PHYHIP: variants seen among roughly 807,000 people sequenced by gnomAD.
The protein encoded by PHYHIP is phytanoyl-CoA hydroxylase-interacting protein.
PHYHIP carries 7 observed loss-of-function variants against 26.1 expected under a neutral mutation model. That is an observed-to-expected ratio of 0.27 (90% CI 0.15 to 0.50). The LOEUF (loss-of-function observed/expected upper bound fraction) is 0.50. Ranked by LOEUF, PHYHIP falls within the 20% of genes least tolerant of loss-of-function variation. PHYHIP has a pLI of 0.98. For synonymous variants in PHYHIP, 206 were observed against 183.4 expected, an observed-to-expected ratio of 1.12 and a Z score of -1.00; for missense variants, 232 against 454.7, an observed-to-expected ratio of 0.51 and a Z score of 4.45.
At chr8:22,226,714 CCT>C in intron 3 of PHYHIP, 135 bp downstream of exon 3, 1 of 773,824 alleles carries the variant, frequency 1.3e-6, no homozygotes, top group Non-Finnish European at 2.0e-6. Flanking sequence ...GTGCATCTCC[CCT>C]GTGGCCCAAG....
Position 22,220,813 on chromosome 8 carries a change from G to T in PHYHIP, c.*540C>A, listed in dbSNP as rs1170298972. ...CAGCCAGGGAGTCACGGTGGTGCAG[G>T]AGACTATTTATAGAAGGAAGGGATC... is the stretch of plus-strand genomic sequence containing the variant. On this transcript the variant is annotated 3_prime_UTR_variant, in exon 5 of 5. Coordinates refer to ENST00000454243, the MANE Select transcript of PHYHIP (RefSeq NM_014759.5). The T allele has an allele frequency of 2.0e-5, 3 of 153,284 alleles. No homozygotes were observed. The East Asian group carries it at 5.8e-4, about 30-fold the overall frequency. 9.5% of individuals were successfully genotyped at this position (153,284 alleles called of 1,614,324 possible).
intron 2 of PHYHIP, among the ~76,000 whole-genome samples, chr8:22,227,424 T>G (rs1829771098): frequency 2.0e-5 from 3 of 149,750 alleles, no homozygotes; most frequent in Admixed American, 6.6e-5. Flanking sequence ...GTTAAGGGGG[T>G]GGTGTTGAAC....
At chr8:22,230,666 G>C in intron 1 of PHYHIP, among the ~76,000 whole-genome samples, 1 of 151,254 alleles carries the variant, frequency 6.6e-6, no homozygotes, top group Non-Finnish European at 1.5e-5. Flanking sequence ...ACACACATGC[G>C]CCAAGAGTGC....
intron 4 of PHYHIP, among the ~76,000 whole-genome samples, chr8:22,223,394 G>A (rs1019416921): frequency 6.6e-6 from 1 of 150,450 alleles, no homozygotes; most frequent in African/African-American, 2.5e-5. Context: ...CAGAGCAGCT[G>A]CTTGCCCTGG....
intron 3 of PHYHIP, among the ~76,000 whole-genome samples, chr8:22,226,148 C>T (rs557021310): frequency 6.6e-6 from 1 of 152,276 alleles, no homozygotes; most frequent in Admixed American, 6.5e-5. Flanking sequence ...TCCCAGGCTA[C>T]GTGAAGGCTC....
chr8:22,229,755 T>C (rs962369046), intron 1 of PHYHIP, among the ~76,000 whole-genome samples: 24 of 152,210 alleles, frequency 1.6e-4, no homozygotes, highest in African/African-American at 5.1e-4. Context: ...CAGGAGCTAG[T>C]GGTGAGGGCA....
chr8:22,226,267 G>A (rs1478676993), intron 3 of PHYHIP, among the ~76,000 whole-genome samples: 1 of 152,148 alleles, frequency 6.6e-6, no homozygotes. Flanking sequence ...CAAAAAGGAA[G>A]GAAATTTTGG....
At chr8:22,228,071 G>C in intron 2 of PHYHIP, 122 bp downstream of exon 2, 1 of 800,882 alleles carries the variant, frequency 1.2e-6, no homozygotes, top group Non-Finnish European at 2.1e-6. Flanking sequence ...AAATGACACA[G>C]GAAGAAGAGT....
rs972837455 is a variant in PHYHIP, at chr8:22,219,989, T to C, written c.*1364A>G. 6.6e-6 allele frequency: 1 copy of C among 152,422 alleles called. No homozygotes were observed. The highest frequency in any genetic ancestry group is 1.5e-5 in the Non-Finnish European group (1 of 68,192). 9.4% of individuals were successfully genotyped at this position (152,422 alleles called of 1,614,324 possible). On this transcript the variant is annotated 3_prime_UTR_variant, in exon 5 of 5. Transcript: ENST00000454243. ...CAGATAGGTGACCGTTGTCCACCTG[T>C]CCCTCACCGAGGTATGGCCTTGCCG...
rs1050814423 is a variant in PHYHIP at position 22,224,278 on chromosome 8, G to A, written c.406C>T (p.Arg136Cys). 10 of 1,612,772 alleles carry A rather than the reference G, an allele frequency of 6.2e-6. No homozygotes were observed. The highest frequency in any genetic ancestry group is 4.5e-5 in the East Asian group (2 of 44,884). The change falls in exon 4 of 5, where the codon CGC (arginine) becomes TGC (cysteine). Residue 136 changes from arginine to cysteine, a missense_variant. Arg to Cys is a radical substitution (Grantham distance 180). Transcript: ENST00000454243. ...KAEQIAGRML[R>C]FSVFYRNHHK... ...TGGTTGCGGTAGAAGACGGAGAAGC[G>A]GAGCATGCGGCCTGCGATCTGCTCA...
chr8:22,227,405 G>C (rs377268345), intron 2 of PHYHIP, among the ~76,000 whole-genome samples: 10 of 152,214 alleles, frequency 6.6e-5, no homozygotes, highest in East Asian at 1.9e-4. Context: ...TTATTCTTTG[G>C]GGGGGAGGGT....
At chr8:22,226,700 G>T (rs964718337) in intron 3 of PHYHIP, 151 bp downstream of exon 3, 8 of 631,294 alleles carry the variant, frequency 1.3e-5, no homozygotes, top group Non-Finnish European at 2.0e-5. Context: ...AGGGTGTCAT[G>T]CCCGTGCATC....
At chr8:22,226,721 C>G in intron 3 of PHYHIP, 130 bp downstream of exon 3, 1 of 837,614 alleles carries the variant, frequency 1.2e-6, no homozygotes, top group Non-Finnish European at 1.8e-6. Flanking sequence ...TCCCCTGTGG[C>G]CCAAGCACGC....
intron 2 of PHYHIP, chr8:22,227,804 G>T: frequency 2.3e-6 from 1 of 442,262 alleles, no homozygotes; most frequent in South Asian, 1.6e-5. Flanking sequence ...TGTGCCCTGA[G>T]CCGGGGCTTT....
chr8:22,226,838 A>G lies in PHYHIP; in HGVS notation c.340+13T>C, dbSNP rs202205663. The G allele has an allele frequency of 1.9e-6, 3 of 1,604,752 alleles. No individual in the cohort carries two copies. The highest frequency in any genetic ancestry group is 1.7e-5 in the Admixed American group (1 of 59,448). On this transcript the variant is annotated intron_variant, in intron 3 of 4. Transcript: ENST00000454243. ...CCAAGCAGCAGGACAGGGGTGTGAT[A>G]GCAGGGCCTCACCCCCAGTGCAGAA...
At chr8:22,223,424 G>A (rs922875801) in intron 4 of PHYHIP, among the ~76,000 whole-genome samples, 5 of 151,248 alleles carry the variant, frequency 3.3e-5, no homozygotes, top group Admixed American at 1.3e-4. Flanking sequence ...AGAAGGATGC[G>A]GCCTTGGAGC....
At chr8:22,226,698 A>C (rs1829752472) in intron 3 of PHYHIP, among the ~76,000 whole-genome samples, 153 bp downstream of exon 3, 1 of 152,192 alleles carries the variant, frequency 6.6e-6, no homozygotes, top group African/African-American at 2.4e-5. Context: ...GGAGGGTGTC[A>C]TGCCCGTGCA....
intron 2 of PHYHIP, chr8:22,227,784 A>T: frequency 2.2e-6 from 1 of 455,624 alleles, no homozygotes; most frequent in Non-Finnish European, 4.4e-6. Context: ...CACCCAGCCA[A>T]CAGCGAGGCT....
chr8:22,228,010 C>T (rs1414661429), intron 2 of PHYHIP, among the ~76,000 whole-genome samples, 183 bp downstream of exon 2: 2 of 152,260 alleles, frequency 1.3e-5, no homozygotes, highest in Non-Finnish European at 2.9e-5. Flanking sequence ...TTGTTATTCC[C>T]TCTTTACCAG....
Sources: gnomAD v4.1 joint callset for allele counts (sites outside exome capture counted in the v4.1 genomes callset) on GRCh38, gnomAD v4.1.1 for gene constraint, MANE v1.5 for transcripts, NCBI Gene and HGNC (gene_info 2026-07-23, HGNC 2026-07-21) for gene names.